Variants in PARD3B observed in about 807,000 individuals in gnomAD.
The protein encoded by PARD3B is partitioning defective 3 homolog B.
In PARD3B, 103 loss-of-function variants were observed where a neutral mutation model predicts 130.2. That is an observed-to-expected ratio of 0.79 (90% CI 0.67 to 0.93). The LOEUF is 0.93. PARD3B is among the 40% of genes least tolerant of loss of function. PARD3B has a pLI of 0.00. For missense variants in PARD3B, 1,609 were observed against 1,499.2 expected, an observed-to-expected ratio of 1.07 and a Z score of -1.21; for synonymous variants, 583 against 553.2, an observed-to-expected ratio of 1.05 and a Z score of -0.76.
intron 20 of PARD3B, among the ~76,000 whole-genome samples, chr2:205,499,283 GCACGTTCTA>G (rs2050065359): frequency 1.3e-5 from 2 of 150,390 alleles, no homozygotes; most frequent in South Asian, 4.2e-4. Context: ...ACTTGGATTA[GCACGTTCTA>G]CTCTACACCA....
chr2:205,339,531 G>T (rs893178577), intron 18 of PARD3B, among the ~76,000 whole-genome samples: 3 of 152,194 alleles, frequency 2.0e-5, no homozygotes, highest in Non-Finnish European at 4.4e-5. Flanking sequence ...TTGACAATTG[G>T]TTTTAACTAG....
Position 204,861,924 on chromosome 2 carries a change from C to CAAAAAAAAA in PARD3B, c.223-103209_223-103201dup, listed in dbSNP as rs60473341. Among the ~76,000 whole-genome samples the CAAAAAAAAA allele has an allele frequency of 1.4e-3, 49 of 34,070 alleles. 1 individual carries two copies. Among genetic ancestry groups the CAAAAAAAAA allele is most frequent in the African/African-American group, 3.9e-3 (44 of 11,376 alleles). The allele number at this position is 34,070 out of a possible 152,430, so 22.4% of individuals were successfully genotyped here. On this transcript the variant is annotated intron_variant, in intron 2 of 22. Coordinates refer to ENST00000406610, the MANE Select transcript of PARD3B (RefSeq NM_001302769.2). ...AAGACATTTAAAAGAAGACATTTCT[C>CAAAAAAAAA]AAAAAAAAAAAAAAAAAAAAAAAAA...
Position 205,616,212 on chromosome 2 carries a change from G to A in PARD3B, c.*399G>A, listed in dbSNP as rs929367371. 5.7e-6 allele frequency: 1 copy of A among 176,586 alleles called. No individual in the cohort carries two copies. The highest frequency in any genetic ancestry group is 1.2e-5 in the Non-Finnish European group (1 of 84,846). The allele number at this position is 176,586 out of a possible 1,614,324, so 10.9% of individuals were successfully genotyped here. ...CCCCCTCTGAGACTGGCGGTCCAGAGGCAGTCTCTGCCAGGCAGCATTACC... is the reference window on the plus strand; with the variant it reads ...CCCCCTCTGAGACTGGCGGTCCAGAAGCAGTCTCTGCCAGGCAGCATTACC... On this transcript the variant is annotated 3_prime_UTR_variant, in exon 23 of 23. Coordinates refer to ENST00000406610, the MANE Select transcript of PARD3B (RefSeq NM_001302769.2).
intron 1 of PARD3B, among the ~76,000 whole-genome samples, chr2:204,660,780 T>G (rs2035781667): frequency 6.6e-6 from 1 of 152,362 alleles, no homozygotes; most frequent in South Asian, 2.1e-4. Flanking sequence ...TAATTGCTAC[T>G]AATAGCAATT....
At chr2:205,519,874 G>A (rs547193460) in intron 21 of PARD3B, among the ~76,000 whole-genome samples, 1 of 152,268 alleles carries the variant, frequency 6.6e-6, no homozygotes, top group South Asian at 2.1e-4. Flanking sequence ...TTGAAGCTTT[G>A]GGGTGTGATC....
chr2:204,662,737 A>G (rs1197099476), intron 1 of PARD3B, among the ~76,000 whole-genome samples: 1 of 152,236 alleles, frequency 6.6e-6, no homozygotes, highest in Non-Finnish European at 1.5e-5. Context: ...GTAAAAAACA[A>G]AATGACTATT....
intron 10 of PARD3B, among the ~76,000 whole-genome samples, chr2:205,133,265 G>C (rs1469477706): frequency 1.3e-5 from 2 of 152,124 alleles, no homozygotes; most frequent in Admixed American, 6.5e-5. Flanking sequence ...GTTATAATTT[G>C]AAATGTTAGC....
In PARD3B at chr2:205,335,319, G is replaced by A. The variant is rs1452379596; in HGVS notation, c.2630+33618G>A. ...ATGTCTACAATGTCCACTGGCTCTT[G>A]TATATCTCTAAGGCTTACCATCATG... On this transcript the variant is annotated intron_variant, in intron 18 of 22. Coordinates refer to ENST00000406610, the MANE Select transcript of PARD3B (RefSeq NM_001302769.2). 1.4e-4 allele frequency among the ~76,000 whole-genome samples: 22 copies of A among 152,154 alleles called. 1 individual carries two copies. Among genetic ancestry groups the A allele is most frequent in the South Asian group, 2.1e-4 (1 of 4,826 alleles).
intron 3 of PARD3B, among the ~76,000 whole-genome samples, chr2:204,976,421 A>G (rs1692156798): frequency 6.6e-6 from 1 of 152,098 alleles, no homozygotes; most frequent in African/African-American, 2.4e-5. Flanking sequence ...ATAGTGACCT[A>G]ATTGGATAGT....
chr2:204,726,558 C>T (rs1183542017), intron 2 of PARD3B, among the ~76,000 whole-genome samples: 4 of 152,164 alleles, frequency 2.6e-5, no homozygotes, highest in Admixed American at 2.0e-4. Context: ...CATCTCTAAC[C>T]TTTTACCTCT....
intron 2 of PARD3B, among the ~76,000 whole-genome samples, chr2:204,909,935 A>G (rs937953220): frequency 6.6e-6 from 1 of 152,220 alleles, no homozygotes; most frequent in Non-Finnish European, 1.5e-5. Flanking sequence ...TTCAGCATAA[A>G]TAATGTGTAG....
intron 1 of PARD3B, among the ~76,000 whole-genome samples, chr2:204,618,998 G>A (rs532137843): frequency 1.3e-4 from 20 of 151,952 alleles, no homozygotes; most frequent in African/African-American, 3.6e-4. Flanking sequence ...TTACATTAGC[G>A]TATTGGTTTC....
chr2:204,697,113 C>G (rs1405706271), intron 2 of PARD3B, among the ~76,000 whole-genome samples: 1 of 152,018 alleles, frequency 6.6e-6, no homozygotes, highest in Non-Finnish European at 1.5e-5. Context: ...TCTCATAGTT[C>G]TTAATTGATA....
chr2:205,195,782 T>A (rs939553358), intron 15 of PARD3B, among the ~76,000 whole-genome samples: 1 of 152,012 alleles, frequency 6.6e-6, no homozygotes, highest in Non-Finnish European at 1.5e-5. Flanking sequence ...CAATTCATGA[T>A]GTCTATTTTT....
intron 22 of PARD3B, 94 bp from the exon 23 acceptor site, chr2:205,615,362 C>T: frequency 9.6e-7 from 1 of 1,042,494 alleles, no homozygotes; most frequent in Non-Finnish European, 1.4e-6. Context: ...TATGCGGTGG[C>T]CACACCAAAC....
At chr2:204,636,657 C>T (rs1001440570) in intron 1 of PARD3B, among the ~76,000 whole-genome samples, 1 of 152,186 alleles carries the variant, frequency 6.6e-6, no homozygotes, top group Non-Finnish European at 1.5e-5. Context: ...CTCCTGCCAT[C>T]TTGTGCTCTT....
intron 2 of PARD3B, among the ~76,000 whole-genome samples, chr2:204,899,776 A>G (rs889372597): frequency 3.9e-5 from 6 of 151,912 alleles, no homozygotes; most frequent in Non-Finnish European, 8.8e-5. Context: ...AACTCCCTTT[A>G]GTGTTTCTTG....
chr2:205,156,997 G>A (rs1402823958), intron 10 of PARD3B, among the ~76,000 whole-genome samples: 1 of 152,116 alleles, frequency 6.6e-6, no homozygotes, highest in African/African-American at 2.4e-5. Context: ...TGATTTGAAG[G>A]TATTACTAAA....
At chr2:205,072,055 A>C (rs920474398) in intron 4 of PARD3B, among the ~76,000 whole-genome samples, 1 of 152,284 alleles carries the variant, frequency 6.6e-6, no homozygotes, top group South Asian at 2.1e-4. Context: ...GTAGTCTCAC[A>C]TAATAGTAAA....
Sources: allele counts gnomAD v4.1 joint callset (sites outside exome capture counted in the v4.1 genomes callset), GRCh38; gene constraint gnomAD v4.1.1; transcripts MANE v1.5; gene names NCBI Gene and HGNC (gene_info 2026-07-23, HGNC 2026-07-21).